The following COL21A1 variants were observed in gnomAD, a reference collection of about 807,000 sequenced individuals.
COL21A1 encodes the protein collagen alpha-1(XXI) chain.
Under a neutral mutation model 137.9 loss-of-function variants are expected in COL21A1, and 149 were observed. The observed-to-expected ratio is 1.08, with a 90% confidence interval of 0.95 to 1.24. The LOEUF is 1.24. Among genes scored for constraint, COL21A1 ranks in the 50% most tolerant of loss-of-function variants. COL21A1 has a pLI of 0.00. For missense variants in COL21A1, 1,167 were observed against 1,158.4 expected (o/e 1.01, Z -0.11); for synonymous variants, 456 against 391.5 (o/e 1.16, Z -1.95).
At chr6:56,247,150 C>A (rs1170946023) in intron 1 of COL21A1, among the ~76,000 whole-genome samples, 7 of 152,152 alleles carry the variant, frequency 4.6e-5, no homozygotes, top group Admixed American at 4.6e-4. Context: ...GAATCTGCAC[C>A]CAGAGAACCT....
intron 12 of COL21A1, among the ~76,000 whole-genome samples, chr6:56,130,693 T>C (rs1373852321): frequency 2.0e-5 from 3 of 152,146 alleles, no homozygotes; most frequent in Non-Finnish European, 4.4e-5. Flanking sequence ...GCTACTCTTA[T>C]GTGCCGAAGG....
intron 10 of COL21A1, among the ~76,000 whole-genome samples, chr6:56,147,969 T>G (rs1471299483): frequency 1.3e-5 from 2 of 152,152 alleles, no homozygotes; most frequent in African/African-American, 4.8e-5. Context: ...GCAAATTCAG[T>G]AAACCCTCCC....
intron 1 of COL21A1, among the ~76,000 whole-genome samples, chr6:56,231,775 G>A (rs16887710): frequency 0.048 from 7,281 of 151,292 alleles, 408 homozygotes; most frequent in African/African-American, 0.14. Flanking sequence ...AATATCTATC[G>A]CTAGTTCTAT....
At chr6:56,150,635 G>C (rs968874297) in intron 10 of COL21A1, among the ~76,000 whole-genome samples, 1 of 152,080 alleles carries the variant, frequency 6.6e-6, no homozygotes, top group Non-Finnish European at 1.5e-5. Flanking sequence ...ATTGGTAGCA[G>C]TGAGCTATCA....
At chr6:56,098,810 G>A (rs1482204004) in intron 17 of COL21A1, among the ~76,000 whole-genome samples, 2 of 144,458 alleles carry the variant, frequency 1.4e-5, no homozygotes, top group Non-Finnish European at 3.0e-5. Flanking sequence ...CCACCTCCCA[G>A]GTTCAAGCGA....
chr6:56,195,892 C>T (rs1416402025), intron 1 of COL21A1, among the ~76,000 whole-genome samples: 1 of 151,994 alleles, frequency 6.6e-6, no homozygotes, highest in East Asian at 1.9e-4. Flanking sequence ...GCTGGCTTTA[C>T]CCTAATAACA....
At chr6:56,097,801 C>T (rs545858354) in intron 17 of COL21A1, among the ~76,000 whole-genome samples, 1 of 79,874 alleles carries the variant, frequency 1.3e-5, no homozygotes, top group Non-Finnish European at 2.4e-5. Flanking sequence ...ATATATAAAT[C>T]TATATAAATA....
intron 1 of COL21A1, among the ~76,000 whole-genome samples, chr6:56,270,702 A>T (rs916560468): frequency 2.6e-5 from 4 of 152,174 alleles, no homozygotes; most frequent in Admixed American, 2.6e-4. Flanking sequence ...GTAGGAGGTG[A>T]CTGAAACATA....
intron 1 of COL21A1, among the ~76,000 whole-genome samples, chr6:56,245,448 G>C (rs563334633): frequency 3.3e-5 from 5 of 152,288 alleles, no homozygotes; most frequent in Admixed American, 3.3e-4. Flanking sequence ...TAAGAGTGCA[G>C]TTGGTATTTA....
At chr6:56,109,897 T>G (rs924604300) in intron 16 of COL21A1, among the ~76,000 whole-genome samples, 1 of 151,914 alleles carries the variant, frequency 6.6e-6, no homozygotes, top group Non-Finnish European at 1.5e-5. Flanking sequence ...CCTGCAAAGC[T>G]CAGGCCCAGA....
intron 12 of COL21A1, among the ~76,000 whole-genome samples, chr6:56,131,792 T>G (rs1191152716): frequency 6.6e-6 from 1 of 152,108 alleles, no homozygotes; most frequent in Non-Finnish European, 1.5e-5. Context: ...ACATATACTA[T>G]ATGCTGTTGA....
intron 12 of COL21A1, among the ~76,000 whole-genome samples, chr6:56,134,023 T>G (rs1383325439): frequency 6.6e-6 from 1 of 152,208 alleles, no homozygotes; most frequent in Non-Finnish European, 1.5e-5. Flanking sequence ...GAGTCCCTAC[T>G]GGGGTACTGC....
intron 18 of COL21A1, among the ~76,000 whole-genome samples, chr6:56,076,187 G>T (rs1171730333): frequency 6.6e-6 from 1 of 151,386 alleles, no homozygotes; most frequent in East Asian, 1.9e-4. Context: ...CTGAATGCTG[G>T]CCAGCCATGG....
At chr6:56,187,093 G>A (rs538384432) in intron 1 of COL21A1, among the ~76,000 whole-genome samples, 50 of 152,102 alleles carry the variant, frequency 3.3e-4, no homozygotes, top group Non-Finnish European at 4.7e-4. Context: ...TTATAGTTCT[G>A]AAGGCTGGAA....
intron 1 of COL21A1, among the ~76,000 whole-genome samples, chr6:56,335,660 C>G (rs1765317168): frequency 6.6e-6 from 1 of 152,202 alleles, no homozygotes; most frequent in Non-Finnish European, 1.5e-5. Context: ...TTTTCCCACT[C>G]CTCTGCCTGC....
Position 56,061,024 on chromosome 6 carries a change from C to T in COL21A1, c.2219G>A (p.Gly740Glu). The T allele has an allele frequency of 3.8e-6, 6 of 1,588,004 alleles. No homozygotes were observed. The highest frequency in any genetic ancestry group is 5.1e-6 in the Non-Finnish European group (6 of 1,172,452). ...HGAKGERGEKGEPGVRGAIGS... is the reference protein window; with the variant it reads ...HGAKGERGEKEEPGVRGAIGS... The stretch of plus-strand genomic sequence containing the variant: ...AATGGCACCTCGGACACCAGGTTCT[C>T]CCTTTTCACCTCTCTAAAAGCAAAA... The change falls in exon 26 of 30, where the codon GGA becomes GAA. Residue 740 changes from glycine to glutamate, a missense_variant. Gly to Glu is a moderately conservative substitution (Grantham distance 98, BLOSUM62 -2). Transcript: ENST00000244728.
chr6:56,373,847 G>A (rs1360256696), intron 1 of COL21A1, among the ~76,000 whole-genome samples: 1 of 152,088 alleles, frequency 6.6e-6, no homozygotes, highest in South Asian at 2.1e-4. Context: ...TGAACTTATT[G>A]TTTCTGTGTA....
chr6:56,242,751 A>T (rs748528497), intron 1 of COL21A1, among the ~76,000 whole-genome samples: 5 of 152,208 alleles, frequency 3.3e-5, no homozygotes, highest in Non-Finnish European at 7.4e-5. Flanking sequence ...TATCTTTTTC[A>T]CAACTGATAA....
chr6:56,170,586 C>T (rs1776956039), intron 5 of COL21A1, 63 bp downstream of exon 5: 2 of 1,127,778 alleles, frequency 1.8e-6, no homozygotes, highest in Non-Finnish European at 2.6e-6. Flanking sequence ...CCCCAACACA[C>T]ATAAACCCAA....
Sources: allele counts gnomAD v4.1 joint callset (sites outside exome capture counted in the v4.1 genomes callset), GRCh38; gene constraint gnomAD v4.1.1; transcripts MANE v1.5; gene names NCBI Gene and HGNC (gene_info 2026-07-23, HGNC 2026-07-21).